The following ZNF280D variants were observed in gnomAD, a reference collection of about 807,000 sequenced individuals.
The protein encoded by ZNF280D is suppressor of hairy wing homolog 4.
A neutral mutation model predicts 94.7 loss-of-function variants in ZNF280D; 39 were observed. The ratio of observed to expected loss-of-function variants is 0.41; its 90% CI spans 0.32 to 0.54. The LOEUF is 0.54. Among genes scored for constraint, ZNF280D ranks in the 20% least tolerant of loss-of-function variants. The pLI is 0.22. For synonymous variants in ZNF280D, 398 were observed against 377.6 expected (o/e 1.05, Z -0.63); for missense variants, 1,090 against 1,149.3 (o/e 0.95, Z 0.75).
chr15:56,699,308 C>A (rs1186160142), intron 6 of ZNF280D: 2 of 891,006 alleles, frequency 2.2e-6, no homozygotes, highest in South Asian at 1.0e-4. Context: ...GTATATCATA[C>A]AGGAAAGAAG....
chr15:56,689,236 G>A (rs2056269943), intron 8 of ZNF280D, 64 bp downstream of exon 8: 1 of 1,542,534 alleles, frequency 6.5e-7, no homozygotes, highest in African/African-American at 1.4e-5. Flanking sequence ...AAAATTTATA[G>A]CCACTTCAAA....
At chr15:56,718,170 T>A (rs967677934) in intron 1 of ZNF280D, among the ~76,000 whole-genome samples, 2 of 152,134 alleles carry the variant, frequency 1.3e-5, no homozygotes, top group Non-Finnish European at 2.9e-5. Flanking sequence ...ATTTTTGAAT[T>A]AGCAATAAAA....
chr15:56,732,315 CA>C (rs1159792134), intron 1 of ZNF280D, among the ~76,000 whole-genome samples: 3 of 152,068 alleles, frequency 2.0e-5, no homozygotes, highest in Non-Finnish European at 4.4e-5. Context: ...ATGAAAGGCA[CA>C]AAAGCAAGAC....
chr15:56,659,892 AG>A (rs1479655256), intron 16 of ZNF280D, among the ~76,000 whole-genome samples: 1 of 149,748 alleles, frequency 6.7e-6, no homozygotes, highest in African/African-American at 2.4e-5. Context: ...ATGTATGTAT[AG>A]GGAAAAAAAG....
chr15:56,709,436 T>C (rs1282414901), intron 1 of ZNF280D, among the ~76,000 whole-genome samples: 1 of 152,060 alleles, frequency 6.6e-6, no homozygotes, highest in African/African-American at 2.4e-5. Flanking sequence ...TCAACCATTG[T>C]GGAAGACAGT....
intron 13 of ZNF280D, among the ~76,000 whole-genome samples, chr15:56,672,442 C>T (rs538728657): frequency 1.2e-4 from 18 of 151,992 alleles, no homozygotes; most frequent in African/African-American, 4.1e-4. Context: ...GATAATCATG[C>T]GATTTTTGTC....
In ZNF280D at chr15:56,677,655, T is replaced by G. The variant is rs1331859472; in HGVS notation, c.1182A>C (p.Glu394Asp). 1 of 1,590,762 alleles carries G rather than the reference T, an allele frequency of 6.3e-7. No individual in the cohort carries two copies. The highest frequency in any genetic ancestry group is 2.3e-5 in the East Asian group (1 of 43,960). The change falls in exon 12 of 22, where the codon GAA (glutamate) becomes GAC (aspartate). Residue 394 changes from glutamate (E) to aspartate (D), a missense_variant. Transcript: ENST00000267807. ...HEFSTICKIC[E>D]LSFETEHVLL... ...GAACATGTTCTGTTTCAAATGACAATTCACAGATTTTACAAATAGCTAAAT... is the reference window on the plus strand; with the variant it reads ...GAACATGTTCTGTTTCAAATGACAAGTCACAGATTTTACAAATAGCTAAAT...
chr15:56,704,548 C>T lies in ZNF280D; in HGVS notation c.29-281G>A, dbSNP rs926808209. Among the ~76,000 whole-genome samples, 5 of 152,200 alleles carry T rather than the reference C, an allele frequency of 3.3e-5. No individual in the cohort carries two copies. The South Asian group carries it at 8.3e-4, about 25-fold the overall frequency. On this transcript the variant is annotated intron_variant, in intron 3 of 21. Coordinates refer to ENST00000267807, the MANE Select transcript of ZNF280D (RefSeq NM_017661.4). ...AAATTCAGTGAAAGTGAGTTTTAGT[C>T]GTATACATAGAATATGATTATCTCT...
chr15:56,642,739 G>C (rs1028889172), intron 20 of ZNF280D, among the ~76,000 whole-genome samples: 1 of 151,626 alleles, frequency 6.6e-6, no homozygotes, highest in African/African-American at 2.4e-5. Context: ...AATATAAGAT[G>C]TCTTTGTCAA....
chr15:56,709,793 A>C (rs1259037330), intron 1 of ZNF280D, among the ~76,000 whole-genome samples: 1 of 152,094 alleles, frequency 6.6e-6, no homozygotes, highest in Admixed American at 6.5e-5. Context: ...TCACTCATAG[A>C]TGGGAATTGA....
intron 1 of ZNF280D, among the ~76,000 whole-genome samples, chr15:56,710,289 A>G (rs1302934963): frequency 6.6e-6 from 1 of 152,214 alleles, no homozygotes. Flanking sequence ...CTGTAGTCCC[A>G]GCTACTTGGG....
intron 9 of ZNF280D, among the ~76,000 whole-genome samples, chr15:56,684,455 A>G (rs2055859000): frequency 6.6e-6 from 1 of 152,222 alleles, no homozygotes; most frequent in Non-Finnish European, 1.5e-5. Flanking sequence ...TTGGAAGACC[A>G]CAAAGCAAGA....
Position 56,689,451 on chromosome 15 carries a change from A to C in ZNF280D, c.519T>G (p.Phe173Leu). 6.4e-7 allele frequency: 1 copy of C among 1,564,550 alleles called. No individual in the cohort carries two copies. Among genetic ancestry groups the C allele is most frequent in the South Asian group, 1.3e-5 (1 of 79,384 alleles). Reference sequence around the variant, plus strand: ...CAGAAGTAGAAGGACGTTTTGATAAAAATGAACTTTCACTCATACCTACAA... The same window carrying C: ...CAGAAGTAGAAGGACGTTTTGATAACAATGAACTTTCACTCATACCTACAA... Reference protein sequence around the residue: ...LSMAGMSESSFLSKRPSTSEV... With the variant: ...LSMAGMSESSLLSKRPSTSEV... Residue 173 changes from phenylalanine (F) to leucine (L), a missense_variant, in exon 8 of 22, where the codon TTT becomes TTG. By Grantham distance (22) the Phe-to-Leu change is conservative. Coordinates refer to ENST00000267807, the MANE Select transcript of ZNF280D (RefSeq NM_017661.4).
chr15:56,681,783 C>T (rs911027596), intron 10 of ZNF280D, among the ~76,000 whole-genome samples: 10 of 151,994 alleles, frequency 6.6e-5, no homozygotes, highest in African/African-American at 1.4e-4. Context: ...AGAACTGATA[C>T]ATCTCTAAAA....
chr15:56,672,899 T>C (rs1360856274), intron 13 of ZNF280D, among the ~76,000 whole-genome samples: 4 of 151,952 alleles, frequency 2.6e-5, no homozygotes, highest in Non-Finnish European at 4.4e-5. Flanking sequence ...TGGAATGCTG[T>C]GGTGCAGTCT....
intron 7 of ZNF280D, among the ~76,000 whole-genome samples, chr15:56,691,889 C>CA (rs752057635): frequency 5.9e-5 from 9 of 151,678 alleles, no homozygotes; most frequent in Non-Finnish European, 1.2e-4. Flanking sequence ...ATGCATTCTA[C>CA]AAAAAAAATT....
Position 56,682,486 on chromosome 15 carries a change from GAAAAAA to G in ZNF280D, c.781-15_781-10del. 1.8e-5 allele frequency: 9 copies of G among 504,586 alleles called. No homozygotes were observed. The highest frequency in any genetic ancestry group is 2.5e-5 in the Non-Finnish European group (9 of 353,468). 31.3% of individuals were successfully genotyped at this position (504,586 alleles called of 1,614,324 possible). A position where few individuals can be genotyped will look rare whatever the true frequency, so the allele number is the denominator to read the frequency against. On this transcript the variant is annotated splice_polypyrimidine_tract_variant and intron_variant, in intron 9 of 21. Transcript: ENST00000267807. The stretch of plus-strand genomic sequence containing the variant: ...ATGTCTGGACAACAATACTGAAAGA[GAAAAAA>G]AAAAAAAAAAAACAAGCCTTACTTA...
intron 12 of ZNF280D, among the ~76,000 whole-genome samples, chr15:56,677,142 G>C (rs2055286864): frequency 6.6e-6 from 1 of 152,172 alleles, no homozygotes; most frequent in South Asian, 2.1e-4. Context: ...TCTGCTACAT[G>C]AAACAGCATT....
chr15:56,678,709 A>G lies in ZNF280D; in HGVS notation c.1117T>C (p.Leu373=), dbSNP rs777061250. 28 of 1,613,070 alleles carry G rather than the reference A, an allele frequency of 1.7e-5. No homozygotes were observed. Among genetic ancestry groups the G allele is most frequent in the Non-Finnish European group, 2.1e-5 (25 of 1,179,592 alleles). Residue 373 remains leucine, a synonymous_variant, in exon 11 of 22, where the codon TTG becomes CTG. Transcript: ENST00000267807. Reference sequence around the variant, plus strand: ...TGTGTACTTTCGATGTGACACTGCAACTGAAATGGTGTGGGAAACTGACGG... The same window carrying G: ...TGTGTACTTTCGATGTGACACTGCAGCTGAAATGGTGTGGGAAACTGACGG... The part of the protein sequence containing the change: ...CYRQFPTPFQ[L]QCHIESTHTP...
Sources: allele counts gnomAD v4.1 joint callset (sites outside exome capture counted in the v4.1 genomes callset), GRCh38; gene constraint gnomAD v4.1.1; transcripts MANE v1.5; gene names NCBI Gene and HGNC (gene_info 2026-07-23, HGNC 2026-07-21).